Variants in KCNQ5 observed in about 807,000 individuals in gnomAD.
KCNQ5 encodes the protein potassium voltage-gated channel subfamily KQT member 5.
Under a neutral mutation model 98.2 loss-of-function variants are expected in KCNQ5, and 30 were observed. The observed-to-expected ratio is 0.31, with a 90% CI of 0.23 to 0.41. KCNQ5 has a LOEUF of 0.41. Ranked by LOEUF, KCNQ5 falls within the 10% of genes least tolerant of loss-of-function variation. The pLI is 1.00. For synonymous variants in KCNQ5, 458 were observed against 449.4 expected (o/e 1.02, Z -0.24); for missense variants, 835 against 1,182.5 (o/e 0.71, Z 4.31).
chr6:73,138,025 C>CATCA (rs1204220143), intron 10 of KCNQ5, among the ~76,000 whole-genome samples: 1 of 152,182 alleles, frequency 6.6e-6, no homozygotes, highest in Non-Finnish European at 1.5e-5. Flanking sequence ...CTCTCAACTA[C>CATCA]ATCATCTCAA....
At chr6:72,906,891 G>A (rs1364766174) in intron 1 of KCNQ5, among the ~76,000 whole-genome samples, 1 of 152,158 alleles carries the variant, frequency 6.6e-6, no homozygotes, top group Admixed American at 6.5e-5. Flanking sequence ...CATCAGAGTT[G>A]GGGCTGCAGT....
chr6:73,017,487 G>A (rs1770400323), intron 2 of KCNQ5, among the ~76,000 whole-genome samples: 1 of 152,062 alleles, frequency 6.6e-6, no homozygotes, highest in South Asian at 2.1e-4. Flanking sequence ...AATAGGGTAG[G>A]TCCCACTGTT....
At chr6:72,644,890 T>C (rs1346845929) in intron 1 of KCNQ5, among the ~76,000 whole-genome samples, 1 of 152,190 alleles carries the variant, frequency 6.6e-6, no homozygotes, top group Admixed American at 6.5e-5. Flanking sequence ...TCATAGTGAA[T>C]ATTCTCTGAA....
intron 1 of KCNQ5, among the ~76,000 whole-genome samples, chr6:72,851,028 G>A (rs191342781): frequency 1.3e-5 from 2 of 152,138 alleles, no homozygotes; most frequent in East Asian, 3.9e-4. Flanking sequence ...AGTCTGCTTA[G>A]AAGTAGGTTC....
intron 1 of KCNQ5, among the ~76,000 whole-genome samples, chr6:72,999,560 G>T (rs1399600054): frequency 6.6e-6 from 1 of 152,136 alleles, no homozygotes; most frequent in Non-Finnish European, 1.5e-5. Context: ...GTGCAAAACT[G>T]GGCCCTCTTC....
chr6:72,892,014 A>G (rs1779076105), intron 1 of KCNQ5, among the ~76,000 whole-genome samples: 1 of 152,132 alleles, frequency 6.6e-6, no homozygotes. Context: ...GTGTAATGGT[A>G]TGTCTTTCTC....
intron 9 of KCNQ5, among the ~76,000 whole-genome samples, chr6:73,131,413 A>G (rs553535241): frequency 6.6e-6 from 1 of 152,316 alleles, no homozygotes; most frequent in South Asian, 2.1e-4. Context: ...AGTTCCAGAA[A>G]AGGTAATAGA....
chr6:72,942,720 C>T (rs6453613), intron 1 of KCNQ5, among the ~76,000 whole-genome samples: 55,893 of 152,008 alleles, frequency 0.37, 12,220 homozygotes, highest in African/African-American at 0.61. Flanking sequence ...GGGGACTCTA[C>T]GGTGATATGG....
At chr6:73,020,389 A>T (rs1239537888) in intron 2 of KCNQ5, among the ~76,000 whole-genome samples, 1 of 151,624 alleles carries the variant, frequency 6.6e-6, no homozygotes, top group Admixed American at 6.6e-5. Flanking sequence ...ATTACAAAGG[A>T]TACAGATGAA....
At chr6:72,869,468 TA>T (rs1237377099) in intron 1 of KCNQ5, among the ~76,000 whole-genome samples, 1 of 152,226 alleles carries the variant, frequency 6.6e-6, no homozygotes, top group Non-Finnish European at 1.5e-5. Context: ...GATTCTGTAG[TA>T]ATAGATGGAC....
intron 1 of KCNQ5, among the ~76,000 whole-genome samples, chr6:72,699,000 G>A (rs1768661120): frequency 6.6e-6 from 1 of 152,236 alleles, no homozygotes; most frequent in South Asian, 2.1e-4. Flanking sequence ...TTAAAAGGCA[G>A]AATAGAGTTA....
At chr6:72,783,492 A>G (rs1773585472) in intron 1 of KCNQ5, among the ~76,000 whole-genome samples, 1 of 152,236 alleles carries the variant, frequency 6.6e-6, no homozygotes, top group South Asian at 2.1e-4. Context: ...GCAAATATTC[A>G]GATAAAGTTA....
At chr6:73,098,531 G>A (rs1582353306) in intron 5 of KCNQ5, among the ~76,000 whole-genome samples, 1 of 152,148 alleles carries the variant, frequency 6.6e-6, no homozygotes, top group African/African-American at 2.4e-5. Context: ...AACGTGCAAT[G>A]GAGCTCCAAT....
At position 72,977,612 on chromosome 6, in the gene KCNQ5, C is replaced by G. The variant is rs150837784; in HGVS notation, c.399-26296C>G. Among the ~76,000 whole-genome samples, 333 of 152,218 alleles carry G rather than the reference C, an allele frequency of 2.2e-3. 1 individual carries two copies. Among genetic ancestry groups the G allele is most frequent in the African/African-American group, 7.4e-3 (307 of 41,536 alleles). ...ATGCACCATTGCTTTGGCTTGATGACTTTAGGGGTTTGGGGGTTTCACTTA... is the reference window on the plus strand; with the variant it reads ...ATGCACCATTGCTTTGGCTTGATGAGTTTAGGGGTTTGGGGGTTTCACTTA... On this transcript the variant is annotated intron_variant, in intron 1 of 13. Transcript: ENST00000370398.
intron 1 of KCNQ5, among the ~76,000 whole-genome samples, chr6:72,833,279 T>G (rs1291424965): frequency 6.6e-6 from 1 of 152,184 alleles, no homozygotes; most frequent in Non-Finnish European, 1.5e-5. Context: ...AGGATGATAA[T>G]GTGCCCATCT....
intron 1 of KCNQ5, among the ~76,000 whole-genome samples, chr6:72,772,202 T>C (rs1308438055): frequency 6.6e-6 from 1 of 152,150 alleles, no homozygotes; most frequent in Non-Finnish European, 1.5e-5. Flanking sequence ...GGCTATTACA[T>C]ATCTTTTAAA....
chr6:72,771,896 G>A (rs903737678), intron 1 of KCNQ5, among the ~76,000 whole-genome samples: 4 of 151,978 alleles, frequency 2.6e-5, no homozygotes, highest in South Asian at 2.1e-4. Context: ...GGTTATTTAC[G>A]TATAGGGAAC....
At chr6:72,874,065 C>T (rs1353572089) in intron 1 of KCNQ5, among the ~76,000 whole-genome samples, 1 of 151,608 alleles carries the variant, frequency 6.6e-6, no homozygotes, top group African/African-American at 2.4e-5. Context: ...TAAAATCCAG[C>T]TGATATTATA....
intron 1 of KCNQ5, among the ~76,000 whole-genome samples, chr6:72,700,584 GTACAATA>G (rs1768753462): frequency 6.6e-6 from 1 of 152,052 alleles, no homozygotes; most frequent in Admixed American, 6.6e-5. Flanking sequence ...TAGTAAAATA[GTACAATA>G]AAAATCTAAA....
Sources: gnomAD v4.1 joint callset for allele counts (sites outside exome capture counted in the v4.1 genomes callset) on GRCh38, gnomAD v4.1.1 for gene constraint, MANE v1.5 for transcripts, NCBI Gene and HGNC (gene_info 2026-07-23, HGNC 2026-07-21) for gene names.